The following KLHL25 variants were observed in gnomAD, a reference collection of about 807,000 sequenced individuals.
KLHL25 encodes kelch-like protein 25.
Under a neutral mutation model 30.0 loss-of-function variants are expected in KLHL25, and 41 were observed. That is an observed-to-expected ratio of 1.37 (90% confidence interval 1.07 to 1.78). The LOEUF (loss-of-function observed/expected upper bound fraction) is 1.78. Among genes scored for constraint, KLHL25 ranks in the 40% most tolerant of loss-of-function variants. The pLI is 0.00. For synonymous variants in KLHL25, 399 were observed against 355.3 expected (o/e 1.12, Z -1.38); for missense variants, 971 against 824.5 (o/e 1.18, Z -2.18).
At chr15:85,775,942 G>C (rs906924115) in intron 1 of KLHL25, among the ~76,000 whole-genome samples, 1 of 151,686 alleles carries the variant, frequency 6.6e-6, no homozygotes, top group Non-Finnish European at 1.5e-5. Context: ...GGGAGGCTGA[G>C]GTGGGCAGAT....
intron 1 of KLHL25, among the ~76,000 whole-genome samples, chr15:85,776,183 A>AG (rs1555470186): frequency 2.0e-5 from 3 of 149,308 alleles, no homozygotes; most frequent in Non-Finnish European, 4.4e-5. Context: ...AAAAAAAAAA[A>AG]AAAGAAAGAA....
intron 1 of KLHL25, among the ~76,000 whole-genome samples, chr15:85,780,579 GCAGAA>G (rs896396191): frequency 1.3e-5 from 2 of 152,188 alleles, no homozygotes; most frequent in African/African-American, 4.8e-5. Flanking sequence ...ACACAAACAT[GCAGAA>G]CAGAACAAAA....
Position 85,768,151 on chromosome 15 carries a change from T to A in KLHL25, c.1660A>T (p.Thr554Ser), listed in dbSNP as rs1441740537. ...GAAGTGGGGTCATAGCAGTCCAGAG[T>A]CTTACACCTCTGGGTCCCAAAGTAG... Reference protein sequence around the residue: ...GGYFGTQRCKTLDCYDPTSDT... With the variant: ...GGYFGTQRCKSLDCYDPTSDT... The change falls in exon 2 of 3, where the codon ACT (threonine) becomes TCT (serine). Residue 554 changes from threonine (T) to serine (S), a missense_variant. Transcript: ENST00000337975. 2 of 1,614,020 alleles carry A rather than the reference T, an allele frequency of 1.2e-6. No individual in the cohort carries two copies. Among genetic ancestry groups the A allele is most frequent in the Non-Finnish European group, 8.5e-7 (1 of 1,179,988 alleles).
intron 1 of KLHL25, among the ~76,000 whole-genome samples, chr15:85,784,257 G>A (rs1484115236): frequency 1.3e-5 from 2 of 152,322 alleles, no homozygotes; most frequent in South Asian, 2.1e-4. Context: ...GGCTGGGCAC[G>A]GTGGCTCATG....
intron 1 of KLHL25, among the ~76,000 whole-genome samples, chr15:85,788,025 C>T (rs934897336): frequency 1.7e-4 from 21 of 122,940 alleles, no homozygotes; most frequent in African/African-American, 6.8e-4. Context: ...CACCGCACTG[C>T]GGCCTGGGCA....
intron 1 of KLHL25, among the ~76,000 whole-genome samples, chr15:85,781,220 T>C (rs762092075): frequency 4.6e-5 from 7 of 152,148 alleles, no homozygotes; most frequent in Non-Finnish European, 1.0e-4. Context: ...CAATGAACTT[T>C]TGTACTCAGT....
chr15:85,765,152 C>T (rs772049476), intron 2 of KLHL25, among the ~76,000 whole-genome samples: 4 of 152,108 alleles, frequency 2.6e-5, no homozygotes, highest in Non-Finnish European at 5.9e-5. Context: ...CTGCCCAGCC[C>T]GGCTGGCCTG....
intron 1 of KLHL25, among the ~76,000 whole-genome samples, chr15:85,788,880 G>A (rs1046076393): frequency 1.3e-5 from 2 of 152,166 alleles, no homozygotes; most frequent in African/African-American, 4.8e-5. Context: ...GCTGGCTAGG[G>A]TGCAGAACAT....
At chr15:85,783,499 C>T (rs1212822954) in intron 1 of KLHL25, among the ~76,000 whole-genome samples, 2 of 151,870 alleles carry the variant, frequency 1.3e-5, no homozygotes, top group Non-Finnish European at 2.9e-5. Context: ...CAAGACTAGC[C>T]TGGTCAACAT....
intron 1 of KLHL25, among the ~76,000 whole-genome samples, chr15:85,784,995 G>C (rs1375360112): frequency 6.6e-6 from 1 of 151,984 alleles, no homozygotes; most frequent in Non-Finnish European, 1.5e-5. Context: ...AACACACCAG[G>C]TAATTATCCA....
chr15:85,784,717 T>C (rs557009680), intron 1 of KLHL25, among the ~76,000 whole-genome samples: 1 of 152,018 alleles, frequency 6.6e-6, no homozygotes, highest in African/African-American at 2.4e-5. Flanking sequence ...CCTACGACCA[T>C]AAGGAACTCG....
At chr15:85,762,026 G>A (rs1223300954) in intron 2 of KLHL25, 1 of 152,260 alleles carries the variant, frequency 6.6e-6, no homozygotes, top group Admixed American at 6.5e-5. Flanking sequence ...ATCCCACACA[G>A]TGCTGGGCCG....
At chr15:85,773,656 G>C (rs1404115734) in intron 1 of KLHL25, among the ~76,000 whole-genome samples, 1 of 152,178 alleles carries the variant, frequency 6.6e-6, no homozygotes, top group Non-Finnish European at 1.5e-5. Flanking sequence ...CCTACACCCA[G>C]GACAGACCAG....
intron 1 of KLHL25, among the ~76,000 whole-genome samples, chr15:85,782,005 A>T (rs970439045): frequency 3.3e-5 from 5 of 151,098 alleles, no homozygotes; most frequent in African/African-American, 1.2e-4. Flanking sequence ...TCCTCCCTTC[A>T]TTATCAAAAG....
rs565134586 is a variant in KLHL25 at position 85,768,923 on chromosome 15, C to T, written c.888G>A (p.Thr296=). 6 of 1,613,340 alleles carry T rather than the reference C, an allele frequency of 3.7e-6. No individual in the cohort carries two copies. The highest frequency in any genetic ancestry group is 3.3e-5 in the South Asian group (3 of 91,090). The part of the protein sequence containing the change: ...PCARPRKAGH[T]LLILGGQTFM... ...AGGTCTGGCCCCCCAGGATGAGTAG[C>T]GTGTGGCCCGCCTTGCGTGGCCGGG... Residue 296 remains threonine, a synonymous_variant, in exon 2 of 3, where the codon ACG becomes ACA. Coordinates refer to ENST00000337975, the MANE Select transcript of KLHL25 (RefSeq NM_022480.4).
At position 85,789,913 on chromosome 15, in the gene KLHL25, C is replaced by T. The variant is rs1205163589; in HGVS notation, c.-11+4853G>A. On this transcript the variant is annotated intron_variant, in intron 1 of 2. Coordinates refer to ENST00000337975, the MANE Select transcript of KLHL25 (RefSeq NM_022480.4). This position sits in a 1 kb window ranked among gnomAD's most constrained non-coding sequence, Gnocchi z 4.1. ...TGCCAGAGGCTCAAGGAGAACAGCC[C>T]CGTCCCTTTGGAGTTACTGGGAAAA... Among the ~76,000 whole-genome samples, 1 of 152,174 alleles carries T rather than the reference C, an allele frequency of 6.6e-6. No homozygotes were observed. The highest frequency in any genetic ancestry group is 6.5e-5 in the Admixed American group (1 of 15,274).
chr15:85,762,829 CTTCT>C, intron 2 of KLHL25: 1 of 152,382 alleles, frequency 6.6e-6, no homozygotes, highest in Non-Finnish European at 1.5e-5. Context: ...TCTGTAGCAA[CTTCT>C]TTAAGACAGG....
At chr15:85,762,937 G>C (rs2089593051) in intron 2 of KLHL25, 1 of 152,494 alleles carries the variant, frequency 6.6e-6, no homozygotes, top group African/African-American at 2.4e-5. Flanking sequence ...CTGGAACCCT[G>C]CCCTGCACCC....
At chr15:85,792,268 T>A (rs2089822550) in intron 1 of KLHL25, among the ~76,000 whole-genome samples, 2 of 152,078 alleles carry the variant, frequency 1.3e-5, no homozygotes, top group Admixed American at 1.3e-4. Flanking sequence ...CTCCCTCCTC[T>A]ACCCCCAGCT....
Sources: allele counts gnomAD v4.1 joint callset (sites outside exome capture counted in the v4.1 genomes callset), GRCh38; gene constraint gnomAD v4.1.1; non-coding constraint Gnocchi (gnomAD v3.1); transcripts MANE v1.5; gene names NCBI Gene and HGNC (gene_info 2026-07-23, HGNC 2026-07-21).